IQCH: variants seen among roughly 807,000 people sequenced by gnomAD.
IQCH encodes the protein IQ domain-containing protein H.
IQCH carries 98 observed loss-of-function variants against 117.0 expected under a neutral mutation model. The observed-to-expected ratio is 0.84, with a 90% CI of 0.71 to 0.99. IQCH has a LOEUF of 0.99. IQCH is among the 50% of genes least tolerant of loss of function. IQCH has a pLI of 0.00. For synonymous variants in IQCH, 412 were observed against 448.2 expected (o/e 0.92, Z 1.02); for missense variants, 1,102 against 1,243.8 (o/e 0.89, Z 1.72).
Position 67,477,203 on chromosome 15 carries a change from A to G in IQCH, c.2799+1385A>G, listed in dbSNP as rs145240498. Among the ~76,000 whole-genome samples the G allele has an allele frequency of 7.8e-3, 1,188 of 151,804 alleles. 12 individuals are homozygous for G. The highest frequency in any genetic ancestry group is 0.025 in the African/African-American group (1,054 of 41,416). On this transcript the variant is annotated intron_variant, in intron 18 of 20. Transcript: ENST00000335894. ...GTAGCTGCGATTACGGGCACGTGCA[A>G]CCATGCCTGGCTAATTTTTGTATTT...
At chr15:67,441,122 C>CAAAAAAA (rs200254535) in intron 16 of IQCH, among the ~76,000 whole-genome samples, 22 of 54,002 alleles carry the variant, frequency 4.1e-4, no homozygotes, top group East Asian at 1.4e-3. Flanking sequence ...GCAATAGCTG[C>CAAAAAAA]AAAAAAAAAA....
rs537245579 is a variant in IQCH, at chr15:67,373,153, G to A, written c.1306-214G>A. Among the ~76,000 whole-genome samples the A allele has an allele frequency of 1.9e-4, 29 of 152,136 alleles. 1 individual carries two copies. Among genetic ancestry groups the A allele is most frequent in the Admixed American group, 1.7e-3 (26 of 15,260 alleles). On this transcript the variant is annotated intron_variant, in intron 9 of 20. Transcript: ENST00000335894. The stretch of plus-strand genomic sequence containing the variant: ...TTTCTCTTTTTTTCATTCATATTCT[G>A]TTAATTAAGTGAGCTGCCTCTAATC...
At position 67,436,156 on chromosome 15, in the gene IQCH, C is replaced by A. The variant is rs1262163791; in HGVS notation, c.2505+14579C>A. On this transcript the variant is annotated intron_variant, in intron 16 of 20. Coordinates refer to ENST00000335894, the MANE Select transcript of IQCH (RefSeq NM_001031715.3). This position sits in a 1 kb window ranked among gnomAD's most constrained non-coding sequence, Gnocchi z 5.1. ...TCCAGAACACACAAGCTTGATGGCT[C>A]CATATTCAATAAATGTATTATCGAG... is the stretch of plus-strand genomic sequence containing the variant. Among the ~76,000 whole-genome samples the A allele has an allele frequency of 6.6e-6, 1 of 152,036 alleles. No individual in the cohort carries two copies. Among genetic ancestry groups the A allele is most frequent in the Non-Finnish European group, 1.5e-5 (1 of 68,010 alleles).
At chr15:67,320,876 TAGTC>T (rs914531063) in intron 4 of IQCH, among the ~76,000 whole-genome samples, 5 of 152,190 alleles carry the variant, frequency 3.3e-5, no homozygotes, top group African/African-American at 7.2e-5. Context: ...AGGTTAAAGA[TAGTC>T]AGACTGATTT....
At chr15:67,358,816 C>T (rs143733344) in intron 7 of IQCH, among the ~76,000 whole-genome samples, 1 of 152,236 alleles carries the variant, frequency 6.6e-6, no homozygotes. Context: ...TCTTCCCAGA[C>T]TTTTATCTTT....
chr15:67,328,489 G>A (rs1321216835), intron 4 of IQCH, among the ~76,000 whole-genome samples: 1 of 152,036 alleles, frequency 6.6e-6, no homozygotes, highest in Non-Finnish European at 1.5e-5. Flanking sequence ...TAAGTAAAAA[G>A]AAAAACTATA....
chr15:67,261,988 C>G (rs1965480753), intron 2 of IQCH, among the ~76,000 whole-genome samples: 1 of 151,952 alleles, frequency 6.6e-6, no homozygotes, highest in Non-Finnish European at 1.5e-5. Context: ...ACTCAGGAGG[C>G]TGAGGTGGGA....
In IQCH at chr15:67,421,510, G is replaced by A. The variant is rs768202192; in HGVS notation, c.2438G>A (p.Arg813Lys). The change falls in exon 16 of 21, where the codon AGA becomes AAA. Residue 813 changes from arginine (R) to lysine (K), a missense_variant. Around this residue, in one of 2 missense-constraint regions of IQCH, gnomAD observed 650 missense variants for 794.3 expected, o/e 0.82. Transcript: ENST00000335894. ...CLQIGKACRM[R>K]DVVGYFSIDL... ...CAAATTGGAAAAGCCTGCAGAATGA[G>A]AGATGTGGTTGGTTACTTTTCGATA... 1 of 1,614,076 alleles carries A rather than the reference G, an allele frequency of 6.2e-7. No homozygotes were observed. The highest frequency in any genetic ancestry group is 8.5e-7 in the Non-Finnish European group (1 of 1,180,028).
chr15:67,374,147 T>G, intron 10 of IQCH: 1 of 152,400 alleles, frequency 6.6e-6, no homozygotes, highest in East Asian at 1.9e-4. Context: ...GAGTTTCTTT[T>G]AAGACATGAG....
At chr15:67,290,275 A>G (rs572061295) in intron 4 of IQCH, among the ~76,000 whole-genome samples, 8 of 152,228 alleles carry the variant, frequency 5.3e-5, no homozygotes, top group Non-Finnish European at 2.9e-5. Context: ...TGAAAATCCT[A>G]GAGTCTATTC....
At chr15:67,461,617 T>G (rs2082796573) in intron 16 of IQCH, among the ~76,000 whole-genome samples, 1 of 152,212 alleles carries the variant, frequency 6.6e-6, no homozygotes, top group Non-Finnish European at 1.5e-5. Flanking sequence ...TGAAGAAAAT[T>G]TGTCCTCCTG....
intron 10 of IQCH, among the ~76,000 whole-genome samples, chr15:67,380,380 C>T (rs543390108): frequency 6.6e-6 from 1 of 152,178 alleles, no homozygotes; most frequent in Non-Finnish European, 1.5e-5. Context: ...CAATAGCCCC[C>T]CAAAAAACCA....
intron 10 of IQCH, among the ~76,000 whole-genome samples, chr15:67,383,482 C>G (rs1971010707): frequency 6.6e-6 from 1 of 152,152 alleles, no homozygotes; most frequent in Non-Finnish European, 1.5e-5. Context: ...CTGCTTTTAT[C>G]TTTACTTTTG....
At chr15:67,311,976 G>C (rs527960032) in intron 4 of IQCH, among the ~76,000 whole-genome samples, 2 of 152,272 alleles carry the variant, frequency 1.3e-5, no homozygotes, top group East Asian at 3.9e-4. Flanking sequence ...AATCATTCCA[G>C]GTCAGCAGCC....
intron 16 of IQCH, among the ~76,000 whole-genome samples, chr15:67,437,030 T>A (rs1376420065): frequency 6.6e-6 from 1 of 151,320 alleles, no homozygotes; most frequent in Non-Finnish European, 1.5e-5. Flanking sequence ...CCACTGCCAG[T>A]CCCTCTCCAC....
At chr15:67,328,478 A>G (rs1242826748) in intron 4 of IQCH, among the ~76,000 whole-genome samples, 2 of 152,200 alleles carry the variant, frequency 1.3e-5, no homozygotes, top group Non-Finnish European at 2.9e-5. Flanking sequence ...ATGTAACAAG[A>G]TAAGTAAAAA....
chr15:67,352,057 A>G (rs1194977892), intron 6 of IQCH, among the ~76,000 whole-genome samples: 2 of 150,902 alleles, frequency 1.3e-5, no homozygotes, highest in Non-Finnish European at 3.0e-5. Context: ...TCTTTCCTTT[A>G]TTGTCTTCTT....
intron 4 of IQCH, among the ~76,000 whole-genome samples, chr15:67,307,973 G>T (rs1387914199): frequency 6.6e-6 from 1 of 152,176 alleles, no homozygotes; most frequent in African/African-American, 2.4e-5. Context: ...TAGGGGTGCA[G>T]TTGAGGCAGA....
chr15:67,319,618 A>G (rs1016459518), intron 4 of IQCH, among the ~76,000 whole-genome samples: 14 of 152,148 alleles, frequency 9.2e-5, no homozygotes, highest in South Asian at 2.1e-4. Context: ...TGTTTTTTCA[A>G]TTTATGCATT....
Sources: gnomAD v4.1 joint callset for allele counts (sites outside exome capture counted in the v4.1 genomes callset) on GRCh38, gnomAD v4.1.1 for gene constraint, gnomAD v4.1.1 regional missense constraint, Gnocchi (gnomAD v3.1) non-coding constraint, MANE v1.5 for transcripts, NCBI Gene and HGNC (gene_info 2026-07-23, HGNC 2026-07-21) for gene names.